The following GRM3 variants were observed in gnomAD, a reference collection of about 807,000 sequenced individuals.
GRM3 encodes metabotropic glutamate receptor 3.
Under a neutral mutation model 70.5 loss-of-function variants are expected in GRM3, and 26 were observed. That is an observed-to-expected ratio of 0.37 (90% CI 0.27 to 0.51). The LOEUF is 0.51. GRM3 is among the 20% of genes least tolerant of loss of function. The probability of loss-of-function intolerance (pLI) is 0.93; values close to 1 mark genes in which losing one functional copy is unlikely to be tolerated. For synonymous variants in GRM3, 443 were observed against 434.9 expected (o/e 1.02, Z -0.23); for missense variants, 859 against 1,123.8 (o/e 0.76, Z 3.37).
intron 1 of GRM3, 115 bp downstream of exon 1, chr7:86,644,987 G>A (rs1584134056): frequency 2.4e-6 from 1 of 422,996 alleles, no homozygotes; most frequent in East Asian, 7.1e-5. Flanking sequence ...GCATGGACCA[G>A]TCCCTACAGT....
In GRM3 at chr7:86,654,134, G is replaced by A. The variant is rs143914000; in HGVS notation, c.-141+9262G>A. Among the ~76,000 whole-genome samples, 180 of 152,278 alleles carry A rather than the reference G, an allele frequency of 1.2e-3. 1 individual carries two copies. Among genetic ancestry groups the A allele is most frequent in the African/African-American group, 3.9e-3 (164 of 41,566 alleles). ...TGCCAAAGATAGTTTCCTAAGCAGCGTTCAGAGCCACATGGGAAAAATGCC... is the reference window on the plus strand; with the variant it reads ...TGCCAAAGATAGTTTCCTAAGCAGCATTCAGAGCCACATGGGAAAAATGCC... On this transcript the variant is annotated intron_variant, in intron 1 of 5. Coordinates refer to ENST00000361669, the MANE Select transcript of GRM3 (RefSeq NM_000840.3).
Position 86,765,441 on chromosome 7 carries a change from G to C in GRM3, c.296G>C (p.Cys99Ser). The C allele has an allele frequency of 6.2e-7, 1 of 1,613,928 alleles. No homozygotes were observed. ...TTGGGTGTTCACATTTTGGATACATGTTCAAGGGATACCTATGCATTGGAG... is the reference window on the plus strand; with the variant it reads ...TTGGGTGTTCACATTTTGGATACATCTTCAAGGGATACCTATGCATTGGAG... ...VKLGVHILDT[C>S]SRDTYALEQS... The change falls in exon 2 of 6, where the codon TGT becomes TCT. Residue 99 changes from cysteine to serine, a missense_variant. Physicochemically the swap from Cys to Ser is moderately radical, Grantham distance 112. Transcript: ENST00000361669.
intron 1 of GRM3, among the ~76,000 whole-genome samples, chr7:86,710,566 T>TGGGGGGGGGGGGGGGGGGGG (rs1171125332): frequency 2.5e-4 from 2 of 8,132 alleles, no homozygotes; most frequent in African/African-American, 1.1e-3. Flanking sequence ...GTGTGTGTGG[T>TGGGGGGGGGGGGGGGGGGGG]GGGGGGTGGG....
intron 3 of GRM3, among the ~76,000 whole-genome samples, chr7:86,820,847 C>T (rs1798104839): frequency 1.3e-5 from 2 of 152,142 alleles, no homozygotes; most frequent in African/African-American, 4.8e-5. Context: ...TAAATGCTTC[C>T]AGCCTCCCAG....
At chr7:86,684,023 TTTTACTATTAGATTTATA>T (rs1263193142) in intron 1 of GRM3, among the ~76,000 whole-genome samples, 1 of 152,108 alleles carries the variant, frequency 6.6e-6, no homozygotes, top group Non-Finnish European at 1.5e-5. Flanking sequence ...ATTGCATTCT[TTTTACTATTAGATTTATA>T]TTTGCTGGGG....
chr7:86,733,805 C>T (rs1340088548), intron 1 of GRM3, among the ~76,000 whole-genome samples: 2 of 150,306 alleles, frequency 1.3e-5, no homozygotes, highest in Non-Finnish European at 2.9e-5. Flanking sequence ...ACCCAGACAA[C>T]AGCCTGGGCA....
chr7:86,845,214 G>A (rs749140362), intron 4 of GRM3, among the ~76,000 whole-genome samples: 1 of 152,132 alleles, frequency 6.6e-6, no homozygotes, highest in Non-Finnish European at 1.5e-5. Flanking sequence ...ACAAGGCAAC[G>A]CAGAGTGGGC....
intron 1 of GRM3, among the ~76,000 whole-genome samples, chr7:86,737,075 T>C (rs1795879051): frequency 6.6e-6 from 1 of 151,930 alleles, no homozygotes; most frequent in African/African-American, 2.4e-5. Flanking sequence ...GTATGATCGC[T>C]TTATAAATGG....
intron 1 of GRM3, among the ~76,000 whole-genome samples, chr7:86,720,504 C>T (rs1795431837): frequency 1.3e-5 from 2 of 152,056 alleles, no homozygotes. Flanking sequence ...AACACATTTA[C>T]ATACACTGAT....
intron 1 of GRM3, among the ~76,000 whole-genome samples, chr7:86,733,503 G>A (rs1258405385): frequency 6.6e-6 from 1 of 152,120 alleles, no homozygotes; most frequent in African/African-American, 2.4e-5. Flanking sequence ...CAAAAGGGAT[G>A]GGCCAACTCC....
At chr7:86,810,188 C>T (rs967547600) in intron 3 of GRM3, among the ~76,000 whole-genome samples, 2 of 151,932 alleles carry the variant, frequency 1.3e-5, no homozygotes, top group African/African-American at 2.4e-5. Context: ...AATTCTATCC[C>T]AGGATGGTTT....
At chr7:86,693,026 G>A (rs1017384039) in intron 1 of GRM3, among the ~76,000 whole-genome samples, 1 of 152,128 alleles carries the variant, frequency 6.6e-6, no homozygotes, top group African/African-American at 2.4e-5. Context: ...AATATGAGCA[G>A]GTCCAGATAG....
chr7:86,854,851 A>T (rs2115584195), intron 5 of GRM3, among the ~76,000 whole-genome samples: 1 of 152,320 alleles, frequency 6.6e-6, no homozygotes, highest in East Asian at 1.9e-4. Flanking sequence ...GGTTTCAGAG[A>T]GGGAGTGACA....
intron 1 of GRM3, among the ~76,000 whole-genome samples, chr7:86,666,108 C>T (rs1003359031): frequency 6.6e-6 from 1 of 151,998 alleles, no homozygotes; most frequent in African/African-American, 2.4e-5. Context: ...TTAACAAAAG[C>T]ATGAGTTATT....
Position 86,864,496 on chromosome 7 carries a change from C to T in GRM3, c.*141C>T. The T allele has an allele frequency of 1.5e-6, 1 of 688,394 alleles. No homozygotes were observed. Among genetic ancestry groups the T allele is most frequent in the Non-Finnish European group, 2.7e-6 (1 of 373,250 alleles). 42.6% of individuals were successfully genotyped at this position (688,394 alleles called of 1,614,324 possible). On this transcript the variant is annotated 3_prime_UTR_variant, in exon 6 of 6. Coordinates refer to ENST00000361669, the MANE Select transcript of GRM3 (RefSeq NM_000840.3). ...CAGTACGATAAATTATTTTTGAGGA[C>T]TGTATATAGTGATGTGCTAGAACTT... is the stretch of plus-strand genomic sequence containing the variant.
chr7:86,743,017 C>G (rs1157858790), intron 1 of GRM3, among the ~76,000 whole-genome samples: 2 of 152,096 alleles, frequency 1.3e-5, no homozygotes, highest in Admixed American at 6.6e-5. Context: ...TATTAAATAA[C>G]TTCCTCAAAG....
At chr7:86,732,731 G>A (rs922210021) in intron 1 of GRM3, among the ~76,000 whole-genome samples, 3 of 152,190 alleles carry the variant, frequency 2.0e-5, no homozygotes, top group African/African-American at 4.8e-5. Flanking sequence ...AAATGGAGGA[G>A]TAAGTGGTAG....
intron 3 of GRM3, among the ~76,000 whole-genome samples, chr7:86,790,183 T>C (rs1797370867): frequency 6.6e-6 from 1 of 151,950 alleles, no homozygotes. Flanking sequence ...CTGTGTCTCT[T>C]TGAGATCCAA....
At chr7:86,718,047 G>A (rs917738667) in intron 1 of GRM3, among the ~76,000 whole-genome samples, 2 of 151,946 alleles carry the variant, frequency 1.3e-5, no homozygotes, top group Admixed American at 6.6e-5. Context: ...TCCTACAAGT[G>A]TGAATAGTGT....
Sources: allele counts gnomAD v4.1 joint callset (sites outside exome capture counted in the v4.1 genomes callset), GRCh38; gene constraint gnomAD v4.1.1; transcripts MANE v1.5; gene names NCBI Gene and HGNC (gene_info 2026-07-23, HGNC 2026-07-21).